Variants in IGSF3 observed in about 807,000 individuals in gnomAD.
The protein encoded by IGSF3 is immunoglobulin superfamily member 3.
A neutral mutation model predicts 114.4 loss-of-function variants in IGSF3; 23 were observed. The observed-to-expected ratio is 0.20, with a 90% CI of 0.14 to 0.28. The LOEUF (loss-of-function observed/expected upper bound fraction) is 0.28, where lower values mean the gene tolerates loss of function less well. Ranked by LOEUF, IGSF3 falls within the 10% of genes least tolerant of loss-of-function variation. The pLI, the probability that IGSF3 is intolerant of heterozygous loss-of-function variation, is 1.00. For synonymous variants in IGSF3, 571 were observed against 645.2 expected, an observed-to-expected ratio of 0.88 and a Z score of 1.74; for missense variants, 1,172 against 1,591.5, an observed-to-expected ratio of 0.74 and a Z score of 4.48.
chr1:116,623,058 G>C (rs1326644980), intron 2 of IGSF3, among the ~76,000 whole-genome samples: 2 of 152,234 alleles, frequency 1.3e-5, no homozygotes, highest in Non-Finnish European at 2.9e-5. Context: ...AATCGGGAAG[G>C]CCACTTCCAC....
Position 116,596,276 on chromosome 1 carries a change from A to C in IGSF3, c.2029+3665T>G, listed in dbSNP as rs750124073. On this transcript the variant is annotated intron_variant, in intron 7 of 10. Transcript: ENST00000369486. The surrounding 1 kb of genome is among the most constrained non-coding windows in gnomAD (Gnocchi z 4.1). ...TGGGTTCCTATTTGATTCTGATGGA[A>C]TAAGAATATTTAACACAATATTCTT... Among the ~76,000 whole-genome samples, 24 of 152,252 alleles carry C rather than the reference A, an allele frequency of 1.6e-4. No homozygotes were observed. The highest frequency in any genetic ancestry group is 3.2e-4 in the Non-Finnish European group (22 of 68,046).
intron 2 of IGSF3, among the ~76,000 whole-genome samples, chr1:116,660,838 T>A (rs1052530187): frequency 6.6e-6 from 1 of 152,250 alleles, no homozygotes. Context: ...AGAAGCTCTA[T>A]AATCAGACAA....
rs1398918196 is a variant in IGSF3 at position 116,661,143 on chromosome 1, A to G, written c.43+5141T>C. On this transcript the variant is annotated intron_variant, in intron 2 of 10. Transcript: ENST00000369486. The surrounding 1 kb of genome is among the most constrained non-coding windows in gnomAD (Gnocchi z 4.0). ...CCATCTCTACTAAAAATACAAAAAA[A>G]TTAGCCGGGTGTGGTGGTGTGTGCC... 6.6e-6 allele frequency among the ~76,000 whole-genome samples: 1 copy of G among 152,090 alleles called. No individual in the cohort carries two copies. Among genetic ancestry groups the G allele is most frequent in the African/African-American group, 2.4e-5 (1 of 41,418 alleles).
chr1:116,660,484 T>TC (rs1649066259), intron 2 of IGSF3, among the ~76,000 whole-genome samples: 2 of 137,090 alleles, frequency 1.5e-5, no homozygotes, highest in South Asian at 4.6e-4. Flanking sequence ...CTTTTCTTTT[T>TC]TTTTTTTTTT....
Position 116,607,685 on chromosome 1 carries a change from T to C in IGSF3, c.1222+257A>G, listed in dbSNP as rs559199917. On this transcript the variant is annotated intron_variant, in intron 5 of 10. Coordinates refer to ENST00000369486, the MANE Select transcript of IGSF3 (RefSeq NM_001007237.3). This position sits in a 1 kb window ranked among gnomAD's most constrained non-coding sequence, Gnocchi z 6.1. The stretch of plus-strand genomic sequence containing the variant: ...ATGCACAGGGCTGCTAGCAATCAGA[T>C]AGGCCTATGCCCAGCCCTAGACTGC... Among the ~76,000 whole-genome samples the C allele has an allele frequency of 3.3e-5, 5 of 152,320 alleles. No individual in the cohort carries two copies. The highest frequency in any genetic ancestry group is 4.1e-4 in the South Asian group (2 of 4,830).
rs1015200980 is a variant in IGSF3, at chr1:116,644,001, C to A, written c.43+22283G>T. Among the ~76,000 whole-genome samples, 3 of 152,202 alleles carry A rather than the reference C, an allele frequency of 2.0e-5. No homozygotes were observed. Among genetic ancestry groups the A allele is most frequent in the African/African-American group, 4.8e-5 (2 of 41,462 alleles). ...CAATTTGGAGGGGCTGCTCCCAGCA[C>A]GCATGCTGCAAGATAAACTTCAGTG... On this transcript the variant is annotated intron_variant, in intron 2 of 10. Coordinates refer to ENST00000369486, the MANE Select transcript of IGSF3 (RefSeq NM_001007237.3). This position sits in a 1 kb window ranked among gnomAD's most constrained non-coding sequence, Gnocchi z 5.6.
chr1:116,599,050 T>A (rs527619177), intron 7 of IGSF3, among the ~76,000 whole-genome samples: 1 of 151,976 alleles, frequency 6.6e-6, no homozygotes, highest in Non-Finnish European at 1.5e-5. Context: ...GCAGGCAACA[T>A]TGTGGGAGAA....
intron 2 of IGSF3, among the ~76,000 whole-genome samples, chr1:116,645,452 G>A (rs1053744787): frequency 2.0e-5 from 3 of 152,226 alleles, no homozygotes; most frequent in African/African-American, 7.2e-5. Context: ...GCTCATGTTT[G>A]TCAACAAAGA....
At chr1:116,622,515 T>C (rs1661457254) in intron 2 of IGSF3, among the ~76,000 whole-genome samples, 1 of 152,188 alleles carries the variant, frequency 6.6e-6, no homozygotes. Flanking sequence ...AAAACATTGA[T>C]GATACTGGGC....
At chr1:116,643,441 TTG>T (rs1389806996) in intron 2 of IGSF3, among the ~76,000 whole-genome samples, 2 of 152,186 alleles carry the variant, frequency 1.3e-5, no homozygotes, top group Non-Finnish European at 2.9e-5. Context: ...CGACAGTCGT[TTG>T]TGTCTGGACT....
chr1:116,594,535 C>T lies in IGSF3; in HGVS notation c.2029+5406G>A, dbSNP rs570263748. Among the ~76,000 whole-genome samples, 2 of 152,334 alleles carry T rather than the reference C, an allele frequency of 1.3e-5. No homozygotes were observed. Among genetic ancestry groups the T allele is most frequent in the African/African-American group, 4.8e-5 (2 of 41,572 alleles). ...ATTCTAAGCACTTTATAAATATTAA[C>T]TATTTGGTCCTCACCAATCCTATGA... On this transcript the variant is annotated intron_variant, in intron 7 of 10. Coordinates refer to ENST00000369486, the MANE Select transcript of IGSF3 (RefSeq NM_001007237.3). The surrounding 1 kb of genome is among the most constrained non-coding windows in gnomAD (Gnocchi z 5.2).
intron 2 of IGSF3, among the ~76,000 whole-genome samples, chr1:116,626,591 A>T (rs1460493321): frequency 1.3e-5 from 2 of 151,972 alleles, no homozygotes; most frequent in Admixed American, 1.3e-4. Flanking sequence ...CTTATCCATG[A>T]CCATTGAAAC....
Position 116,610,344 on chromosome 1 carries a change from C to T in IGSF3, c.833-2013G>A, listed in dbSNP as rs1290262401. 2.0e-5 allele frequency among the ~76,000 whole-genome samples: 3 copies of T among 152,180 alleles called. No individual in the cohort carries two copies. The highest frequency in any genetic ancestry group is 4.4e-5 in the Non-Finnish European group (3 of 68,042). ...ACTCTGGCTTTCTTCTTTCGGCGGC[C>T]AAAGACTCTTCTCATCTCAAGGGAA... On this transcript the variant is annotated intron_variant, in intron 4 of 10. Coordinates refer to ENST00000369486, the MANE Select transcript of IGSF3 (RefSeq NM_001007237.3). This position sits in a 1 kb window ranked among gnomAD's most constrained non-coding sequence, Gnocchi z 4.3.
At position 116,589,018 on chromosome 1, in the gene IGSF3, G is replaced by C; in HGVS notation, c.2116C>G (p.Gln706Glu). 1 of 1,614,234 alleles carries C rather than the reference G, an allele frequency of 6.2e-7. No individual in the cohort carries two copies. Among genetic ancestry groups the C allele is most frequent in the Non-Finnish European group, 8.5e-7 (1 of 1,180,038 alleles). ...PIQLNCSVKS[Q>E]TSQNSHFAVL... is the part of the protein sequence containing the mutation. ...GCAAAGTGGGAGTTCTGGCTAGTCT[G>C]AGACTTGACTGAGCAGTTCAACTGA... The change falls in exon 8 of 11, where the codon CAG (glutamine) becomes GAG (glutamate). Residue 706 changes from glutamine (Q) to glutamate (E), a missense_variant. Physicochemically the swap from Gln to Glu is conservative, Grantham distance 29. Coordinates refer to ENST00000369486, the MANE Select transcript of IGSF3 (RefSeq NM_001007237.3). This position sits in a 1 kb window ranked among gnomAD's most constrained non-coding sequence, Gnocchi z 5.7.
At chr1:116,613,387 T>A (rs548644151) in intron 4 of IGSF3, among the ~76,000 whole-genome samples, 82 of 152,294 alleles carry the variant, frequency 5.4e-4, no homozygotes, top group African/African-American at 1.9e-3. Context: ...GAAGGCAACA[T>A]CATTAAACGG....
At position 116,582,680 on chromosome 1, in the gene IGSF3, G is replaced by A. The variant is rs1236804086; in HGVS notation, c.2848+1965C>T. Among the ~76,000 whole-genome samples, 6 of 152,062 alleles carry A rather than the reference G, an allele frequency of 3.9e-5. No homozygotes were observed. Among genetic ancestry groups the A allele is most frequent in the Admixed American group, 3.9e-4 (6 of 15,272 alleles). On this transcript the variant is annotated intron_variant, in intron 9 of 10. Transcript: ENST00000369486. This position sits in a 1 kb window ranked among gnomAD's most constrained non-coding sequence, Gnocchi z 4.7. ...GCTATGAAATGCTTTCACAGACATG[G>A]GAAAACGCTCATAAAAGAAAGTTGA...
chr1:116,584,063 C>A lies in IGSF3; in HGVS notation c.2848+582G>T, dbSNP rs1659711327. Among the ~76,000 whole-genome samples the A allele has an allele frequency of 6.6e-6, 1 of 152,038 alleles. No individual in the cohort carries two copies. Among genetic ancestry groups the A allele is most frequent in the Non-Finnish European group, 1.5e-5 (1 of 68,026 alleles). ...AATTAGCCGGGTGTGGTGGCATGAG[C>A]CTGTAGTCCCAGCTACTTGGGAGAC... On this transcript the variant is annotated intron_variant, in intron 9 of 10. Coordinates refer to ENST00000369486, the MANE Select transcript of IGSF3 (RefSeq NM_001007237.3). This position sits in a 1 kb window ranked among gnomAD's most constrained non-coding sequence, Gnocchi z 5.8.
In IGSF3 at chr1:116,658,073, C is replaced by G. The variant is rs1648944635; in HGVS notation, c.43+8211G>C. 2.7e-5 allele frequency among the ~76,000 whole-genome samples: 4 copies of G among 147,244 alleles called. No individual in the cohort carries two copies. In the South Asian group the frequency reaches 8.5e-4, roughly 31 times the overall value. ...TTTTTGTTTTGTTTTGTTTTGTTTG[C>G]TTTTGTTGCCCTGGCTGGAGTGCAA... On this transcript the variant is annotated intron_variant, in intron 2 of 10. Coordinates refer to ENST00000369486, the MANE Select transcript of IGSF3 (RefSeq NM_001007237.3).
intron 5 of IGSF3, among the ~76,000 whole-genome samples, chr1:116,604,943 A>C (rs780886882): frequency 1.2e-3 from 179 of 152,250 alleles, no homozygotes; most frequent in Non-Finnish European, 1.7e-3. Context: ...GATGATGCAT[A>C]TAGATTCACC....
Sources: gnomAD v4.1 joint callset for allele counts (sites outside exome capture counted in the v4.1 genomes callset) on GRCh38, gnomAD v4.1.1 for gene constraint, Gnocchi (gnomAD v3.1) non-coding constraint, MANE v1.5 for transcripts, NCBI Gene and HGNC (gene_info 2026-07-23, HGNC 2026-07-21) for gene names.